CNOT6: variants seen among roughly 807,000 people sequenced by gnomAD.
The protein encoded by CNOT6 is CCR4-NOT transcription complex subunit 6.
A neutral mutation model predicts 61.2 loss-of-function variants in CNOT6; 12 were observed. The ratio of observed to expected loss-of-function variants is 0.20; its 90% CI spans 0.13 to 0.32. CNOT6 has a LOEUF of 0.32. Ranked by LOEUF, CNOT6 falls within the 10% of genes least tolerant of loss-of-function variation. The probability of loss-of-function intolerance (pLI) is 1.00; values close to 1 mark genes in which losing one functional copy is unlikely to be tolerated. For synonymous variants in CNOT6, 225 were observed against 240.6 expected (o/e 0.94, Z 0.60); for missense variants, 405 against 663.9 (o/e 0.61, Z 4.28).
rs978592923 is a variant in CNOT6 at position 180,565,962 on chromosome 5, T to C, written c.702T>C (p.Asp234=). ...IIQEILSCNA[D]IVSLQEVETE... is the part of the protein sequence containing the mutation. Reference sequence around the variant, plus strand: ...AAGAAATCTTGAGCTGCAATGCTGATATCGTAAGTCTTCAGGTAAGTCAGA... The same window carrying C: ...AAGAAATCTTGAGCTGCAATGCTGACATCGTAAGTCTTCAGGTAAGTCAGA... Residue 234 remains aspartate, a synonymous_variant, in exon 7 of 12, where the codon GAT becomes GAC. Coordinates refer to ENST00000261951, the MANE Select transcript of CNOT6 (RefSeq NM_001370472.1). 1.9e-6 allele frequency: 3 copies of C among 1,613,134 alleles called. No individual in the cohort carries two copies. The highest frequency in any genetic ancestry group is 2.5e-6 in the Non-Finnish European group (3 of 1,179,572).
intron 1 of CNOT6, among the ~76,000 whole-genome samples, chr5:180,521,682 C>T (rs986386294): frequency 6.6e-6 from 1 of 152,192 alleles, no homozygotes; most frequent in African/African-American, 2.4e-5. Flanking sequence ...TCAGTACATT[C>T]TCAGCCCTTG....
intron 1 of CNOT6, among the ~76,000 whole-genome samples, chr5:180,507,398 G>A (rs1014074078): frequency 6.6e-6 from 1 of 152,172 alleles, no homozygotes; most frequent in African/African-American, 2.4e-5. Context: ...TCAGGAGTTC[G>A]AGACTAGCCT....
chr5:180,564,584 G>A lies in CNOT6; in HGVS notation c.481G>A (p.Ala161Thr), dbSNP rs1760357516. Residue 161 changes from alanine to threonine, a missense_variant, in exon 5 of 12, where the codon GCA becomes ACA. By Grantham distance (58) the Ala-to-Thr change is moderately conservative. Coordinates refer to ENST00000261951, the MANE Select transcript of CNOT6 (RefSeq NM_001370472.1). ...NYLLDNLSGT[A>T]KRITTEQPPP... ...TTTGCTTGATAATTTGTCAGGTACT[G>A]CAAAAAGAAGTAAGTGGTTATTTGT... 3.1e-6 allele frequency: 5 copies of A among 1,612,970 alleles called. No homozygotes were observed. The South Asian group carries it at 5.5e-5, about 18-fold the overall frequency.
intron 1 of CNOT6, among the ~76,000 whole-genome samples, chr5:180,517,005 A>G (rs138102399): frequency 1.2e-3 from 184 of 152,344 alleles, no homozygotes; most frequent in African/African-American, 4.3e-3. Context: ...AGATTGGTGA[A>G]GGGGGTAACA....
chr5:180,561,669 G>T (rs1191843989), intron 4 of CNOT6, among the ~76,000 whole-genome samples: 1 of 152,178 alleles, frequency 6.6e-6, no homozygotes, highest in Non-Finnish European at 1.5e-5. Context: ...ACTGCCAGTG[G>T]AGGTAGAAGT....
intron 9 of CNOT6, among the ~76,000 whole-genome samples, chr5:180,568,395 A>G (rs1760570800): frequency 6.6e-6 from 1 of 151,786 alleles, no homozygotes; most frequent in African/African-American, 2.4e-5. Flanking sequence ...ATTTAAAATA[A>G]TCATTTTATT....
At chr5:180,537,052 T>C (rs933492922) in intron 2 of CNOT6, among the ~76,000 whole-genome samples, 7 of 152,252 alleles carry the variant, frequency 4.6e-5, no homozygotes, top group African/African-American at 1.7e-4. Context: ...AGTCACCTAC[T>C]GAAGGACATC....
At chr5:180,564,765 A>G (rs1401825356) in intron 6 of CNOT6, 22 bp downstream of exon 6, 4 of 1,580,716 alleles carry the variant, frequency 2.5e-6, no homozygotes, top group Non-Finnish European at 3.5e-6. Context: ...TTTATTTTTT[A>G]ACTGTTATTT....
At chr5:180,495,043 G>C (rs1756536578) in intron 1 of CNOT6, among the ~76,000 whole-genome samples, 1 of 152,138 alleles carries the variant, frequency 6.6e-6, no homozygotes, top group Non-Finnish European at 1.5e-5. Flanking sequence ...TGGGCTCCCG[G>C]ATCCCGGCCG....
At chr5:180,548,119 G>A (rs1759407234) in intron 2 of CNOT6, among the ~76,000 whole-genome samples, 1 of 152,168 alleles carries the variant, frequency 6.6e-6, no homozygotes, top group Non-Finnish European at 1.5e-5. Context: ...AATACCTTGA[G>A]ATACAATTCA....
chr5:180,533,568 G>A (rs911103011), intron 2 of CNOT6, among the ~76,000 whole-genome samples: 1 of 151,470 alleles, frequency 6.6e-6, no homozygotes, highest in Non-Finnish European at 1.5e-5. Context: ...ATGCCACCAT[G>A]CCCAGCTAAC....
At chr5:180,499,924 A>C (rs904169023) in intron 1 of CNOT6, among the ~76,000 whole-genome samples, 3 of 152,084 alleles carry the variant, frequency 2.0e-5, no homozygotes, top group African/African-American at 7.2e-5. Context: ...GGGTGTTTGA[A>C]GTGTGTTTCA....
intron 1 of CNOT6, among the ~76,000 whole-genome samples, chr5:180,519,425 T>G (rs1009214960): frequency 2.0e-5 from 3 of 152,232 alleles, no homozygotes; most frequent in Non-Finnish European, 2.9e-5. Flanking sequence ...TAATGAGTAC[T>G]TATTTAGCAA....
chr5:180,550,126 A>C lies in CNOT6; in HGVS notation c.299+9A>C, dbSNP rs1201340278. 5.6e-6 allele frequency: 9 copies of C among 1,610,112 alleles called. No individual in the cohort carries two copies. The highest frequency in any genetic ancestry group is 7.6e-6 in the Non-Finnish European group (9 of 1,176,486). ...AACATGGTATCACTCAGGTATGCAG[A>C]TTCAACTTAATACATACTAGCTATA... On this transcript the variant is annotated intron_variant, in intron 3 of 11. Transcript: ENST00000261951.
At chr5:180,499,057 C>CCCAAAG (rs1756748663) in intron 1 of CNOT6, among the ~76,000 whole-genome samples, 2 of 152,160 alleles carry the variant, frequency 1.3e-5, no homozygotes. Flanking sequence ...TCCCAAAGTG[C>CCCAAAG]TGGGATTACA....
At chr5:180,543,849 T>C (rs1239234231) in intron 2 of CNOT6, among the ~76,000 whole-genome samples, 2 of 152,074 alleles carry the variant, frequency 1.3e-5, no homozygotes, top group Non-Finnish European at 2.9e-5. Flanking sequence ...CTTGCTCTGT[T>C]GCCCAGGCTG....
At chr5:180,559,074 T>A (rs1760042958) in intron 4 of CNOT6, among the ~76,000 whole-genome samples, 1 of 152,260 alleles carries the variant, frequency 6.6e-6, no homozygotes, top group Non-Finnish European at 1.5e-5. Context: ...TCTTGGGTAC[T>A]GGAAAAGAAT....
At chr5:180,497,199 T>C (rs1756648871) in intron 1 of CNOT6, among the ~76,000 whole-genome samples, 1 of 151,934 alleles carries the variant, frequency 6.6e-6, no homozygotes, top group South Asian at 2.1e-4. Context: ...TGGTGGCGCA[T>C]GCCTGTAATC....
chr5:180,533,521 C>T (rs1758510429), intron 2 of CNOT6, among the ~76,000 whole-genome samples: 7 of 151,518 alleles, frequency 4.6e-5, no homozygotes, highest in Admixed American at 4.6e-4. Context: ...TGTGATCCTC[C>T]CACCTCACCC....
Sources: gnomAD v4.1 joint callset for allele counts (sites outside exome capture counted in the v4.1 genomes callset) on GRCh38, gnomAD v4.1.1 for gene constraint, MANE v1.5 for transcripts, NCBI Gene and HGNC (gene_info 2026-07-23, HGNC 2026-07-21) for gene names.